The following CNTNAP2 variants were observed in gnomAD, a reference collection of about 807,000 sequenced individuals.
The protein encoded by CNTNAP2 is contactin-associated protein-like 2.
CNTNAP2 carries 98 observed loss-of-function variants against 155.2 expected under a neutral mutation model. That is an observed-to-expected ratio of 0.63 (90% CI 0.54 to 0.75). The LOEUF is 0.75. Ranked by LOEUF, CNTNAP2 falls within the 30% of genes least tolerant of loss-of-function variation. CNTNAP2 has a pLI of 0.00. For synonymous variants in CNTNAP2, 651 were observed against 631.2 expected (o/e 1.03, Z -0.47); for missense variants, 1,727 against 1,688.1 (o/e 1.02, Z -0.40).
At chr7:147,665,211 CTTAAT>C (rs1795675079) in intron 13 of CNTNAP2, among the ~76,000 whole-genome samples, 1 of 152,164 alleles carries the variant, frequency 6.6e-6, no homozygotes, top group African/African-American at 2.4e-5. Flanking sequence ...AAGTTTAACT[CTTAAT>C]TTAAGAGTAT....
At chr7:148,089,554 A>G (rs1000806280) in intron 15 of CNTNAP2, among the ~76,000 whole-genome samples, 12 of 151,910 alleles carry the variant, frequency 7.9e-5, no homozygotes, top group Admixed American at 2.0e-4. Flanking sequence ...CATTTACAAT[A>G]CTAAAAAAGA....
rs191635148 is a variant in CNTNAP2, at chr7:147,434,582, T to C, written c.1670+38802T>C. On this transcript the variant is annotated intron_variant, in intron 10 of 23. Transcript: ENST00000361727. The stretch of plus-strand genomic sequence containing the variant: ...ACATGTATTAATTGTATATGGACTT[T>C]AAACAAATACAATTAAGGATAGTCT... Among the ~76,000 whole-genome samples the C allele has an allele frequency of 2.0e-4, 30 of 152,348 alleles. 1 individual carries two copies. The highest frequency in any genetic ancestry group is 7.2e-4 in the African/African-American group (30 of 41,588).
At chr7:146,906,744 C>G (rs957989338) in intron 3 of CNTNAP2, among the ~76,000 whole-genome samples, 2 of 152,160 alleles carry the variant, frequency 1.3e-5, no homozygotes, top group Non-Finnish European at 2.9e-5. Flanking sequence ...ACGCAGAACA[C>G]CTCTCCTCCT....
At chr7:146,261,813 G>A (rs1286503242) in intron 1 of CNTNAP2, among the ~76,000 whole-genome samples, 2 of 152,072 alleles carry the variant, frequency 1.3e-5, no homozygotes, top group South Asian at 2.1e-4. Flanking sequence ...ATTTGAAAAT[G>A]TATCCTGTAA....
chr7:146,510,819 G>A (rs1202597192), intron 1 of CNTNAP2, among the ~76,000 whole-genome samples: 1 of 151,692 alleles, frequency 6.6e-6, no homozygotes, highest in Non-Finnish European at 1.5e-5. Context: ...ACTGAGTTTT[G>A]TATTTAATTT....
At chr7:147,956,762 T>C (rs1563148118) in intron 14 of CNTNAP2, among the ~76,000 whole-genome samples, 1 of 152,198 alleles carries the variant, frequency 6.6e-6, no homozygotes, top group Non-Finnish European at 1.5e-5. Context: ...AAGATTTAAT[T>C]CTACTTAGAT....
intron 1 of CNTNAP2, among the ~76,000 whole-genome samples, chr7:146,371,958 CA>C (rs111816450): frequency 2.1e-3 from 223 of 107,534 alleles, no homozygotes; most frequent in Non-Finnish European, 2.4e-3. Context: ...AACTCCATCT[CA>C]AAAAAAAAAA....
At chr7:146,202,314 A>G (rs6960388) in intron 1 of CNTNAP2, among the ~76,000 whole-genome samples, 38,537 of 152,056 alleles carry the variant, frequency 0.25, 5,115 homozygotes, top group Middle Eastern at 0.34. Flanking sequence ...TATTTTTTTA[A>G]CTGATGGCTA....
At chr7:147,457,725 A>G (rs1300399954) in intron 10 of CNTNAP2, among the ~76,000 whole-genome samples, 3 of 151,940 alleles carry the variant, frequency 2.0e-5, no homozygotes, top group African/African-American at 4.8e-5. Flanking sequence ...AGTTCTTACA[A>G]TTATATTTTA....
At chr7:147,996,441 C>G (rs1801806377) in intron 15 of CNTNAP2, among the ~76,000 whole-genome samples, 2 of 152,116 alleles carry the variant, frequency 1.3e-5, no homozygotes. Flanking sequence ...AACTTAGGCT[C>G]AGAATATTTG....
At chr7:147,388,566 G>C (rs992683976) in intron 9 of CNTNAP2, among the ~76,000 whole-genome samples, 2 of 150,584 alleles carry the variant, frequency 1.3e-5, no homozygotes, top group Admixed American at 1.3e-4. Context: ...AACCCACTGG[G>C]TTCATTCTGT....
At chr7:147,753,107 T>A (rs1470302370) in intron 13 of CNTNAP2, among the ~76,000 whole-genome samples, 1 of 152,226 alleles carries the variant, frequency 6.6e-6, no homozygotes, top group Non-Finnish European at 1.5e-5. Context: ...CCATTATACA[T>A]AGAGGTTCTT....
intron 1 of CNTNAP2, among the ~76,000 whole-genome samples, chr7:146,126,480 G>C (rs994662682): frequency 6.6e-6 from 1 of 152,140 alleles, no homozygotes; most frequent in Non-Finnish European, 1.5e-5. Flanking sequence ...CTTTTGCAGT[G>C]TAGTTCTATC....
chr7:148,318,451 A>G (rs533255208), intron 21 of CNTNAP2, among the ~76,000 whole-genome samples: 20 of 152,296 alleles, frequency 1.3e-4, no homozygotes, highest in Non-Finnish European at 2.5e-4. Context: ...GGGAAGAGCT[A>G]CTATCTGGGG....
At chr7:147,047,031 C>G (rs377701590) in intron 4 of CNTNAP2, among the ~76,000 whole-genome samples, 1 of 49,870 alleles carries the variant, frequency 2.0e-5, no homozygotes, top group East Asian at 7.4e-4. Context: ...GACTCCGTGT[C>G]AAAAAAAAAA....
intron 3 of CNTNAP2, among the ~76,000 whole-genome samples, chr7:146,842,527 C>T (rs1803748193): frequency 6.6e-6 from 1 of 151,948 alleles, no homozygotes; most frequent in South Asian, 2.1e-4. Flanking sequence ...GGGTAATTTA[C>T]GAAGAAAAGA....
intron 1 of CNTNAP2, among the ~76,000 whole-genome samples, chr7:146,560,394 T>C (rs802007): frequency 0.03 from 4,587 of 152,188 alleles, 252 homozygotes; most frequent in African/African-American, 0.1. Flanking sequence ...TATATATGTA[T>C]GTGTATATGT....
At chr7:147,112,717 G>A (rs530340664) in intron 5 of CNTNAP2, among the ~76,000 whole-genome samples, 29 of 152,214 alleles carry the variant, frequency 1.9e-4, no homozygotes, top group African/African-American at 6.5e-4. Context: ...TCAGGGATGA[G>A]GCCTACATGA....
chr7:146,769,175 G>C (rs572151412), intron 1 of CNTNAP2, among the ~76,000 whole-genome samples: 9 of 152,344 alleles, frequency 5.9e-5, no homozygotes, highest in Admixed American at 5.9e-4. Context: ...GAAGTACGCT[G>C]GAGACCAAAT....
Sources: gnomAD v4.1 joint callset for allele counts (sites outside exome capture counted in the v4.1 genomes callset) on GRCh38, gnomAD v4.1.1 for gene constraint, MANE v1.5 for transcripts, NCBI Gene and HGNC (gene_info 2026-07-23, HGNC 2026-07-21) for gene names.